The following UCHL5 variants were observed in gnomAD, a reference collection of about 807,000 sequenced individuals.
The protein encoded by UCHL5 is ubiquitin carboxyl-terminal hydrolase isozyme L5.
Under a neutral mutation model 53.8 loss-of-function variants are expected in UCHL5, and 34 were observed. The ratio of observed to expected loss-of-function variants is 0.63; its 90% CI spans 0.48 to 0.84. UCHL5 has a LOEUF of 0.84. UCHL5 is among the 40% of genes least tolerant of loss of function. The pLI, the probability that UCHL5 is intolerant of heterozygous loss-of-function variation, is 0.00. For missense variants in UCHL5, 290 were observed against 385.6 expected (o/e 0.75, Z 2.08); for synonymous variants, 111 against 126.3 (o/e 0.88, Z 0.81).
chr1:193,016,794 T>C (rs1173822854), intron 10 of UCHL5, among the ~76,000 whole-genome samples: 1 of 151,812 alleles, frequency 6.6e-6, no homozygotes, highest in African/African-American at 2.4e-5. Context: ...TGTGAATAAA[T>C]GAGTTTAACA....
chr1:193,022,430 C>A (rs1001983358), intron 9 of UCHL5, among the ~76,000 whole-genome samples: 6 of 152,116 alleles, frequency 3.9e-5, no homozygotes, highest in African/African-American at 1.4e-4. Flanking sequence ...GAGGCTGAGA[C>A]GGGCAGATCA....
chr1:193,047,319 T>A (rs898489388), intron 3 of UCHL5, among the ~76,000 whole-genome samples: 2 of 152,088 alleles, frequency 1.3e-5, no homozygotes, highest in African/African-American at 4.8e-5. Flanking sequence ...GGGTGTGGGA[T>A]TACAAGGATA....
intron 10 of UCHL5, among the ~76,000 whole-genome samples, chr1:193,017,720 C>G (rs1307873834): frequency 6.6e-6 from 1 of 151,396 alleles, no homozygotes; most frequent in African/African-American, 2.4e-5. Context: ...TGAGCAAACA[C>G]ATATAAGGCA....
intron 10 of UCHL5, chr1:193,019,762 AGTG>A (rs894897136): frequency 1.5e-6 from 1 of 649,654 alleles, no homozygotes; most frequent in African/African-American, 2.0e-5. Flanking sequence ...ATCAAACAAC[AGTG>A]GTTCTTTTAC....
At chr1:193,016,428 T>C in intron 10 of UCHL5, 33 bp from the exon 11 acceptor site, 1 of 1,588,916 alleles carries the variant, frequency 6.3e-7, no homozygotes, top group African/African-American at 1.4e-5. Context: ...TACAAAATTT[T>C]AAAAGTCAGT....
chr1:193,054,358 C>T (rs150173901), intron 1 of UCHL5, among the ~76,000 whole-genome samples: 10 of 152,262 alleles, frequency 6.6e-5, no homozygotes, highest in African/African-American at 2.2e-4. Context: ...CTAACCCTAC[C>T]GATAAATCTA....
Position 193,020,318 on chromosome 1 carries a change from G to A in UCHL5, c.942+779C>T, listed in dbSNP as rs1170955910. On this transcript the variant is annotated intron_variant, in intron 10 of 10. Transcript: ENST00000367454. ...GAAAATATACCTACCATGTATTCTCGTCTTTAAGTTAATGGTCCAAAATTT... is the reference window on the plus strand; with the variant it reads ...GAAAATATACCTACCATGTATTCTCATCTTTAAGTTAATGGTCCAAAATTT... 34 of 1,545,560 alleles carry A rather than the reference G, an allele frequency of 2.2e-5. No individual in the cohort carries two copies. The East Asian group carries it at 3.4e-4, about 16-fold the overall frequency.
Position 193,013,945 on chromosome 1 carries a change from G to A in UCHL5, c.*2406C>T, listed in dbSNP as rs1335354407. 6.6e-6 allele frequency: 1 copy of A among 152,102 alleles called. No individual in the cohort carries two copies. The highest frequency in any genetic ancestry group is 1.5e-5 in the Non-Finnish European group (1 of 68,022). The allele number at this position is 152,102 out of a possible 1,614,324, so 9.4% of individuals were successfully genotyped here. The stretch of plus-strand genomic sequence containing the variant: ...GGTGAGAGTAGCCAGTGCCGCAGCT[G>A]TTGGCAAGGTTTTTGTTGATAATAA... On this transcript the variant is annotated 3_prime_UTR_variant, in exon 11 of 11. Coordinates refer to ENST00000367454, the MANE Select transcript of UCHL5 (RefSeq NM_001199261.3).
chr1:193,019,455 G>C (rs1336701759), intron 10 of UCHL5, among the ~76,000 whole-genome samples: 3 of 151,492 alleles, frequency 2.0e-5, no homozygotes, highest in Non-Finnish European at 4.4e-5. Flanking sequence ...CAGAACCTAG[G>C]AGAATAATAG....
intron 3 of UCHL5, among the ~76,000 whole-genome samples, chr1:193,049,344 G>A (rs1668314625): frequency 6.6e-6 from 1 of 152,072 alleles, no homozygotes; most frequent in African/African-American, 2.4e-5. Flanking sequence ...AACCTGGGAG[G>A]TGGAGGTTGC....
At position 193,022,921 on chromosome 1, in the gene UCHL5, C is replaced by T. The variant is rs1558011165; in HGVS notation, c.843+5G>A. The stretch of plus-strand genomic sequence containing the variant: ...CATTAAAGGAACACATTTTTAAAAA[C>T]ATACCTTGTATCTTTTTAATTTCTG... On this transcript the variant is annotated splice_donor_5th_base_variant and intron_variant, in intron 9 of 10. Coordinates refer to ENST00000367454, the MANE Select transcript of UCHL5 (RefSeq NM_001199261.3). 3.8e-6 allele frequency: 6 copies of T among 1,585,888 alleles called. No individual in the cohort carries two copies. The highest frequency in any genetic ancestry group is 5.2e-6 in the Non-Finnish European group (6 of 1,155,852).
chr1:193,024,608 TTAATA>T (rs1298990081), intron 7 of UCHL5, among the ~76,000 whole-genome samples: 3 of 148,838 alleles, frequency 2.0e-5, no homozygotes, highest in Admixed American at 1.3e-4. Flanking sequence ...ACATATTTTA[TTAATA>T]TAATATATAA....
rs185406974 is a variant in UCHL5, at chr1:193,049,726, A to C, written c.246+20T>G. Reference sequence around the variant, plus strand: ...AAAAGGGTTGCTCTTGAGACTTTTCAGAGTATCCAAGGACCATACCTGCTT... The same window carrying C: ...AAAAGGGTTGCTCTTGAGACTTTTCCGAGTATCCAAGGACCATACCTGCTT... On this transcript the variant is annotated intron_variant, in intron 3 of 10. Coordinates refer to ENST00000367454, the MANE Select transcript of UCHL5 (RefSeq NM_001199261.3). The C allele has an allele frequency of 1.3e-4, 210 of 1,562,640 alleles. 1 individual carries two copies. The African/African-American group carries it at 2.6e-3, about 20-fold the overall frequency.
intron 3 of UCHL5, among the ~76,000 whole-genome samples, chr1:193,048,767 T>C (rs1456913807): frequency 1.3e-5 from 2 of 152,212 alleles, no homozygotes; most frequent in African/African-American, 4.8e-5. Context: ...TTTGCAAAAA[T>C]GTAAAACAAT....
chr1:193,027,745 T>G (rs1218378608), intron 7 of UCHL5: 1 of 367,542 alleles, frequency 2.7e-6, no homozygotes, highest in Non-Finnish European at 4.9e-6. Context: ...CATGTTTAAC[T>G]TCTCTAAAGA....
rs561559492 is a variant in UCHL5, at chr1:193,045,496, A to G, written c.246+4250T>C. ...CTCTCTTTCTCTCTTGCTCCAGCTC[A>G]GCCATGTGAGATGTCTGTTCCTACT... On this transcript the variant is annotated intron_variant, in intron 3 of 10. Transcript: ENST00000367454. Among the ~76,000 whole-genome samples, 70 of 152,320 alleles carry G rather than the reference A, an allele frequency of 4.6e-4. 1 individual carries two copies. The highest frequency in any genetic ancestry group is 4.1e-3 in the Admixed American group (63 of 15,294).
chr1:193,043,103 C>A (rs1433326987), intron 3 of UCHL5, among the ~76,000 whole-genome samples: 12 of 103,152 alleles, frequency 1.2e-4, no homozygotes, highest in Non-Finnish European at 2.2e-4. Context: ...AAAACATACA[C>A]AAAGGAGCAA....
At chr1:193,039,195 T>C (rs968882999) in intron 3 of UCHL5, among the ~76,000 whole-genome samples, 9 of 152,098 alleles carry the variant, frequency 5.9e-5, no homozygotes, top group African/African-American at 7.2e-5. Context: ...GAGGCCAACC[T>C]GGCCTCAAGT....
chr1:193,028,245 T>C, intron 6 of UCHL5, 97 bp from the exon 7 acceptor site: 1 of 1,063,332 alleles, frequency 9.4e-7, no homozygotes, highest in East Asian at 2.8e-5. Flanking sequence ...TTACAAATAT[T>C]TTAATAAATT....
Sources: allele counts gnomAD v4.1 joint callset (sites outside exome capture counted in the v4.1 genomes callset), GRCh38; gene constraint gnomAD v4.1.1; transcripts MANE v1.5; gene names NCBI Gene and HGNC (gene_info 2026-07-23, HGNC 2026-07-21).